Variants in MAGI2 observed in about 807,000 individuals in gnomAD.
MAGI2 encodes membrane associated guanylate kinase, WW and PDZ domain containing 2, also known as membrane-associated guanylate kinase, WW and PDZ domain-containing protein 2.
In MAGI2, 35 loss-of-function variants were observed where a neutral mutation model predicts 133.3. The ratio of observed to expected loss-of-function variants is 0.26; its 90% CI spans 0.20 to 0.35. The LOEUF (loss-of-function observed/expected upper bound fraction) is 0.35, where lower values mean the gene tolerates loss of function less well. Ranked by LOEUF, MAGI2 falls within the 10% of genes least tolerant of loss-of-function variation. The pLI is 1.00. For missense variants in MAGI2, 1,636 were observed against 1,863.4 expected, an observed-to-expected ratio of 0.88 and a Z score of 2.25; for synonymous variants, 729 against 710.6, an observed-to-expected ratio of 1.03 and a Z score of -0.41.
At chr7:79,014,177 C>A (rs967383708) in intron 1 of MAGI2, among the ~76,000 whole-genome samples, 1 of 152,124 alleles carries the variant, frequency 6.6e-6, no homozygotes, top group Non-Finnish European at 1.5e-5. Context: ...TTCTCTAGCT[C>A]AATTGAAAAT....
intron 1 of MAGI2, among the ~76,000 whole-genome samples, chr7:79,029,305 A>G (rs1415325537): frequency 1.3e-5 from 2 of 152,218 alleles, no homozygotes; most frequent in Non-Finnish European, 2.9e-5. Flanking sequence ...TCTACAAAGC[A>G]GCTATCAATT....
At chr7:78,248,972 C>T (rs1371010116) in intron 10 of MAGI2, among the ~76,000 whole-genome samples, 1 of 151,924 alleles carries the variant, frequency 6.6e-6, no homozygotes, top group Non-Finnish European at 1.5e-5. Context: ...AACTACTCAT[C>T]TGACAAGAAG....
At chr7:78,840,136 A>G (rs1792001349) in intron 2 of MAGI2, among the ~76,000 whole-genome samples, 4 of 152,038 alleles carry the variant, frequency 2.6e-5, no homozygotes, top group Admixed American at 2.0e-4. Context: ...TACATTATCA[A>G]TTCAACATTT....
intron 1 of MAGI2, among the ~76,000 whole-genome samples, chr7:79,256,224 G>A (rs528033632): frequency 6.6e-6 from 1 of 152,218 alleles, no homozygotes; most frequent in Admixed American, 6.5e-5. Context: ...AAACAAGTAA[G>A]GGATTTTTAT....
At chr7:78,090,089 C>T (rs969143449) in intron 20 of MAGI2, among the ~76,000 whole-genome samples, 80 of 152,306 alleles carry the variant, frequency 5.3e-4, no homozygotes, top group African/African-American at 1.7e-3. Context: ...CTCCCTGGAT[C>T]CTTCAATCCC....
chr7:78,764,591 C>A (rs182166636), intron 2 of MAGI2, among the ~76,000 whole-genome samples: 5 of 152,286 alleles, frequency 3.3e-5, no homozygotes, highest in African/African-American at 9.6e-5. Context: ...TCCTCTCTGA[C>A]AATTCAGATG....
At chr7:78,574,900 A>T (rs1802107870) in intron 3 of MAGI2, among the ~76,000 whole-genome samples, 1 of 152,224 alleles carries the variant, frequency 6.6e-6, no homozygotes, top group African/African-American at 2.4e-5. Context: ...TTGTAAATGT[A>T]TTAAGTGTTA....
intron 9 of MAGI2, among the ~76,000 whole-genome samples, chr7:78,339,800 A>G (rs1165584955): frequency 6.6e-6 from 1 of 152,216 alleles, no homozygotes; most frequent in Non-Finnish European, 1.5e-5. Context: ...AATTATGTAC[A>G]CATGACTTTT....
chr7:78,365,715 GA>G (rs1383527026), intron 7 of MAGI2, among the ~76,000 whole-genome samples: 1 of 152,120 alleles, frequency 6.6e-6, no homozygotes, highest in Admixed American at 6.5e-5. Context: ...TCTTAAAATT[GA>G]ATTTGCAGGG....
chr7:78,373,007 C>T (rs1794080448), intron 6 of MAGI2, among the ~76,000 whole-genome samples: 2 of 151,888 alleles, frequency 1.3e-5, no homozygotes, highest in Admixed American at 1.3e-4. Context: ...TATTTTTTAA[C>T]AGTCGGGGTT....
chr7:78,358,003 TA>T (rs149685383), intron 7 of MAGI2, among the ~76,000 whole-genome samples: 82 of 149,142 alleles, frequency 5.5e-4, no homozygotes, highest in African/African-American at 1.6e-3. Context: ...TTTTTATTGT[TA>T]AAAAAAAGAA....
intron 1 of MAGI2, among the ~76,000 whole-genome samples, chr7:79,064,004 A>G (rs759269862): frequency 2.0e-5 from 3 of 152,094 alleles, no homozygotes; most frequent in Non-Finnish European, 2.9e-5. Flanking sequence ...AAGTAAGGAT[A>G]TTGAAGATAT....
At position 79,200,332 on chromosome 7, in the gene MAGI2, C is replaced by T. The variant is rs550266652; in HGVS notation, c.302-193126G>A. Among the ~76,000 whole-genome samples the T allele has an allele frequency of 1.2e-3, 182 of 151,738 alleles. 1 individual carries two copies. The highest frequency in any genetic ancestry group is 1.7e-3 in the Non-Finnish European group (114 of 67,926). On this transcript the variant is annotated intron_variant, in intron 1 of 21. Transcript: ENST00000354212. Reference sequence around the variant, plus strand: ...GCCTTACAACTGTTTCAAACACTTTCGGCCTGATATCTGTAACCCCAGCAC... The same window carrying T: ...GCCTTACAACTGTTTCAAACACTTTTGGCCTGATATCTGTAACCCCAGCAC...
At chr7:78,989,803 G>A (rs1805587379) in intron 2 of MAGI2, among the ~76,000 whole-genome samples, 2 of 151,938 alleles carry the variant, frequency 1.3e-5, no homozygotes, top group South Asian at 2.1e-4. Context: ...ACTATCCTTA[G>A]CTCAGGTTGC....
intron 21 of MAGI2, among the ~76,000 whole-genome samples, chr7:78,035,908 A>T (rs956392649): frequency 3.9e-5 from 6 of 152,208 alleles, no homozygotes; most frequent in Non-Finnish European, 8.8e-5. Context: ...CCTTCCAAAA[A>T]GTTTTGCCCA....
intron 1 of MAGI2, among the ~76,000 whole-genome samples, chr7:79,183,862 A>T (rs976736165): frequency 4.6e-5 from 7 of 151,896 alleles, no homozygotes; most frequent in African/African-American, 1.7e-4. Context: ...AGTGTATTAC[A>T]TTAAGTAAAA....
intron 1 of MAGI2, among the ~76,000 whole-genome samples, chr7:79,186,189 AAAATATATATATATATATATAT>A (rs779077088): frequency 0.028 from 2,882 of 104,610 alleles, 79 homozygotes; most frequent in East Asian, 0.06. Context: ...TTTGCCTGGG[AAAATATATATATATATATATAT>A]ATATATATAT....
At chr7:78,927,984 G>C (rs549478656) in intron 2 of MAGI2, among the ~76,000 whole-genome samples, 1 of 151,930 alleles carries the variant, frequency 6.6e-6, no homozygotes, top group East Asian at 1.9e-4. Flanking sequence ...AATTTTTGCT[G>C]ATTCTGTTTG....
chr7:78,250,671 C>T (rs1792292766), intron 10 of MAGI2, among the ~76,000 whole-genome samples: 3 of 151,774 alleles, frequency 2.0e-5, no homozygotes, highest in Non-Finnish European at 1.5e-5. Flanking sequence ...ATAAAAATTT[C>T]TAGAAATACA....
Sources: gnomAD v4.1 joint callset for allele counts (sites outside exome capture counted in the v4.1 genomes callset) on GRCh38, gnomAD v4.1.1 for gene constraint, MANE v1.5 for transcripts, NCBI Gene and HGNC (gene_info 2026-07-23, HGNC 2026-07-21) for gene names.